CDH12: variants seen among roughly 807,000 people sequenced by gnomAD.
CDH12 encodes cadherin 12, also known as cadherin-12.
A neutral mutation model predicts 74.1 loss-of-function variants in CDH12; 41 were observed. The observed-to-expected ratio is 0.55, with a 90% CI of 0.43 to 0.72. The LOEUF (loss-of-function observed/expected upper bound fraction) is 0.72. Among genes scored for constraint, CDH12 ranks in the 30% least tolerant of loss-of-function variants. The pLI is 0.00. For synonymous variants in CDH12, 399 were observed against 355.0 expected (o/e 1.12, Z -1.39); for missense variants, 945 against 977.2 (o/e 0.97, Z 0.44).
intron 1 of CDH12, among the ~76,000 whole-genome samples, chr5:22,566,524 C>T (rs996446918): frequency 6.6e-6 from 1 of 152,042 alleles, no homozygotes; most frequent in African/African-American, 2.4e-5. Context: ...AGGTATGAGC[C>T]ACCGCGCCCA....
chr5:22,278,213 TGC>T (rs961570316), intron 3 of CDH12, among the ~76,000 whole-genome samples: 59 of 152,310 alleles, frequency 3.9e-4, no homozygotes, highest in African/African-American at 1.4e-3. Flanking sequence ...AAATCCAAGT[TGC>T]TTCTTATTTA....
intron 4 of CDH12, among the ~76,000 whole-genome samples, chr5:22,161,690 A>T (rs1306490992): frequency 6.6e-6 from 1 of 151,728 alleles, no homozygotes; most frequent in Non-Finnish European, 1.5e-5. Context: ...AGAACCTCTC[A>T]AAAGGAAGGA....
chr5:22,022,897 G>T (rs1738080456), intron 5 of CDH12, among the ~76,000 whole-genome samples: 1 of 151,986 alleles, frequency 6.6e-6, no homozygotes, highest in African/African-American at 2.4e-5. Flanking sequence ...ATCATAAACA[G>T]ATTTCATTAG....
chr5:22,602,616 T>C (rs894799001), intron 1 of CDH12, among the ~76,000 whole-genome samples: 1 of 152,062 alleles, frequency 6.6e-6, no homozygotes, highest in South Asian at 2.1e-4. Flanking sequence ...AAATAAATAA[T>C]TGTCAATTAG....
At chr5:22,000,753 G>A (rs1046582743) in intron 5 of CDH12, among the ~76,000 whole-genome samples, 4 of 151,652 alleles carry the variant, frequency 2.6e-5, no homozygotes, top group Admixed American at 6.6e-5. Context: ...AATATTTTAC[G>A]TGCCATACAT....
At chr5:22,024,056 C>T (rs1285607716) in intron 5 of CDH12, among the ~76,000 whole-genome samples, 6 of 152,074 alleles carry the variant, frequency 3.9e-5, no homozygotes, top group East Asian at 1.9e-4. Flanking sequence ...GTTCCCACTA[C>T]CATGGGGAGG....
chr5:22,327,004 AT>A (rs967969721), intron 3 of CDH12, among the ~76,000 whole-genome samples: 8 of 152,342 alleles, frequency 5.3e-5, no homozygotes, highest in Middle Eastern at 3.4e-3. Context: ...AGAAAAAATA[AT>A]AAATTTGGGG....
Position 22,171,240 on chromosome 5 carries a change from C to T in CDH12, c.-187+41258G>A, listed in dbSNP as rs139997503. Among the ~76,000 whole-genome samples the T allele has an allele frequency of 3.6e-3, 553 of 151,872 alleles. 6 individuals are homozygous for T. The highest frequency in any genetic ancestry group is 0.013 in the African/African-American group (519 of 41,486). ...TGCATATCCCTATCATTATCACTAA[C>T]GCTGAGATAACAATTCCCACTTACC... On this transcript the variant is annotated intron_variant, in intron 4 of 14. Coordinates refer to ENST00000382254, the MANE Select transcript of CDH12 (RefSeq NM_004061.5).
chr5:22,778,404 A>G (rs186845880), intron 1 of CDH12, among the ~76,000 whole-genome samples: 1 of 152,166 alleles, frequency 6.6e-6, no homozygotes, highest in Non-Finnish European at 1.5e-5. Context: ...TATATAAAAG[A>G]AAGTGAGGAA....
intron 2 of CDH12, among the ~76,000 whole-genome samples, chr5:22,433,652 T>C (rs1744263204): frequency 1.3e-5 from 2 of 152,200 alleles, no homozygotes; most frequent in Non-Finnish European, 2.9e-5. Flanking sequence ...AAAAAGTATC[T>C]GAAATAAGTC....
At chr5:22,196,754 G>A (rs1451931159) in intron 4 of CDH12, among the ~76,000 whole-genome samples, 2 of 152,164 alleles carry the variant, frequency 1.3e-5, no homozygotes, top group Non-Finnish European at 2.9e-5. Flanking sequence ...CTTGTTGCCT[G>A]TGTTCTCCTT....
chr5:21,783,530 AT>A, intron 10 of CDH12, 36 bp from the exon 11 acceptor site: 1 of 1,537,394 alleles, frequency 6.5e-7, no homozygotes, highest in Non-Finnish European at 9.0e-7. Flanking sequence ...ATGTGCAATG[AT>A]TACACATTAA....
intron 1 of CDH12, among the ~76,000 whole-genome samples, chr5:22,781,143 TA>T: frequency 6.6e-6 from 1 of 152,192 alleles, no homozygotes; most frequent in East Asian, 1.9e-4. Context: ...TCTATAAATA[TA>T]AAGTGTGCAT....
chr5:22,278,686 T>C (rs183593363), intron 3 of CDH12, among the ~76,000 whole-genome samples: 5 of 152,314 alleles, frequency 3.3e-5, no homozygotes, highest in East Asian at 1.9e-4. Flanking sequence ...AAATTCTTTC[T>C]AGCTTTGATT....
At chr5:22,597,073 A>C (rs1021856269) in intron 1 of CDH12, among the ~76,000 whole-genome samples, 6 of 152,206 alleles carry the variant, frequency 3.9e-5, no homozygotes, top group African/African-American at 1.4e-4. Context: ...TAAACAAAAG[A>C]AAATAAAATA....
chr5:22,204,172 T>TG (rs201187478), intron 4 of CDH12, among the ~76,000 whole-genome samples: 5 of 147,712 alleles, frequency 3.4e-5, no homozygotes, highest in Non-Finnish European at 4.5e-5. Context: ...GTTTTTTTTT[T>TG]TTTGTTTTTT....
At chr5:21,758,517 A>C (rs1270276996) in intron 13 of CDH12, among the ~76,000 whole-genome samples, 1 of 152,198 alleles carries the variant, frequency 6.6e-6, no homozygotes, top group Non-Finnish European at 1.5e-5. Context: ...TCTTTTTATT[A>C]TCAGGTTATA....
intron 1 of CDH12, among the ~76,000 whole-genome samples, chr5:22,524,229 C>T (rs1737173798): frequency 6.6e-6 from 1 of 152,100 alleles, no homozygotes; most frequent in Non-Finnish European, 1.5e-5. Context: ...TCAATCAATC[C>T]ACCCACCTTG....
chr5:22,448,422 A>C (rs1404635852), intron 2 of CDH12, among the ~76,000 whole-genome samples: 1 of 152,060 alleles, frequency 6.6e-6, no homozygotes, highest in Non-Finnish European at 1.5e-5. Flanking sequence ...TAAAACTATA[A>C]TGAGATTCAA....
Sources: gnomAD v4.1 joint callset for allele counts (sites outside exome capture counted in the v4.1 genomes callset) on GRCh38, gnomAD v4.1.1 for gene constraint, MANE v1.5 for transcripts, NCBI Gene and HGNC (gene_info 2026-07-23, HGNC 2026-07-21) for gene names.